The following ATP2B4 variants were observed in gnomAD, a reference collection of about 807,000 sequenced individuals.
ATP2B4 encodes plasma membrane calcium-transporting ATPase 4.
ATP2B4 carries 39 observed loss-of-function variants against 110.3 expected under a neutral mutation model. The ratio of observed to expected loss-of-function variants is 0.35; its 90% confidence interval spans 0.27 to 0.46. ATP2B4 has a LOEUF of 0.46. Ranked by LOEUF, ATP2B4 falls within the 20% of genes least tolerant of loss-of-function variation. The pLI, the probability that ATP2B4 is intolerant of heterozygous loss-of-function variation, is 1.00. For synonymous variants in ATP2B4, 538 were observed against 571.7 expected (o/e 0.94, Z 0.84); for missense variants, 1,135 against 1,530.9 (o/e 0.74, Z 4.32).
At chr1:203,735,117 G>A (rs1019509862) in intron 20 of ATP2B4, among the ~76,000 whole-genome samples, 3 of 151,812 alleles carry the variant, frequency 2.0e-5, no homozygotes, top group African/African-American at 7.2e-5. Context: ...TAAACTTTTA[G>A]GAGTTTCTGA....
intron 1 of ATP2B4, among the ~76,000 whole-genome samples, chr1:203,681,464 C>T (rs11240733): frequency 0.83 from 126,666 of 152,164 alleles, 53,558 homozygotes; most frequent in East Asian, 1. Context: ...CCCCTGGTAA[C>T]TGAAGTCGTC....
intron 1 of ATP2B4, among the ~76,000 whole-genome samples, chr1:203,675,663 G>A (rs1664807695): frequency 6.6e-6 from 1 of 152,118 alleles, no homozygotes. Flanking sequence ...CTTTTTTGGT[G>A]GAATTGAAGA....
intron 1 of ATP2B4, among the ~76,000 whole-genome samples, chr1:203,636,898 C>A (rs745817927): frequency 6.6e-6 from 1 of 152,114 alleles, no homozygotes; most frequent in Non-Finnish European, 1.5e-5. Context: ...GGAAAAGAGG[C>A]CAAAAAGCAT....
intron 1 of ATP2B4, among the ~76,000 whole-genome samples, chr1:203,660,101 G>T (rs867980522): frequency 6.9e-6 from 1 of 145,836 alleles, no homozygotes; most frequent in Non-Finnish European, 1.5e-5. Flanking sequence ...AAAAAAAAAA[G>T]AAAGAAAGAA....
intron 1 of ATP2B4, among the ~76,000 whole-genome samples, chr1:203,643,508 G>A (rs1353919044): frequency 4.6e-5 from 7 of 152,200 alleles, no homozygotes; most frequent in African/African-American, 1.2e-4. Flanking sequence ...ACACACCCAC[G>A]CAGAGACTTT....
intron 1 of ATP2B4, among the ~76,000 whole-genome samples, chr1:203,628,865 C>T (rs950508318): frequency 6.6e-6 from 1 of 152,032 alleles, no homozygotes; most frequent in Admixed American, 6.5e-5. Context: ...CCCTCCTTGG[C>T]TGAGGGTGGT....
At position 203,646,199 on chromosome 1, in the gene ATP2B4, G is replaced by C. The variant is rs74384160; in HGVS notation, c.-465+18980G>C. ...TCCCTCCTCATGACAATCCTAATAA[G>C]GAAGGAGTCATTCCTATCTTCCCTT... On this transcript the variant is annotated intron_variant, in intron 1 of 20. Coordinates refer to ENST00000357681, the MANE Select transcript of ATP2B4 (RefSeq NM_001684.5). 1.1e-4 allele frequency among the ~76,000 whole-genome samples: 17 copies of C among 151,596 alleles called. No individual in the cohort carries two copies. The East Asian group carries it at 3.3e-3, about 30-fold the overall frequency.
chr1:203,660,854 T>TA (rs1192986880), intron 1 of ATP2B4, among the ~76,000 whole-genome samples: 2 of 151,942 alleles, frequency 1.3e-5, no homozygotes, highest in Non-Finnish European at 2.9e-5. Context: ...CTCATGCCTG[T>TA]AGTCCCAGCA....
At chr1:203,661,014 G>T (rs1664323614) in intron 1 of ATP2B4, among the ~76,000 whole-genome samples, 1 of 151,932 alleles carries the variant, frequency 6.6e-6, no homozygotes, top group South Asian at 2.1e-4. Flanking sequence ...GGAGGCCGAG[G>T]CAGGAGAATT....
rs747241250 is a variant in ATP2B4, at chr1:203,711,985, A to G, written c.2057A>G (p.Lys686Arg). ...GTGCCAGATGCTATTGCCAAATGCA[A>G]ACAAGCTGGCATTACTGTCAGAATG... ...PEVPDAIAKCKQAGITVRMVT... is the reference protein window; with the variant it reads ...PEVPDAIAKCRQAGITVRMVT... Residue 686 changes from lysine to arginine, a missense_variant, in exon 13 of 21, where the codon AAA becomes AGA. Physicochemically the swap from Lys to Arg is conservative, Grantham distance 26. This residue lies in a region of ATP2B4 where 368 missense variants were observed against 455.9 expected (regional missense o/e 0.81). Coordinates refer to ENST00000357681, the MANE Select transcript of ATP2B4 (RefSeq NM_001684.5). The G allele has an allele frequency of 1.5e-5, 24 of 1,614,024 alleles. No individual in the cohort carries two copies. In the East Asian group the frequency reaches 5.1e-4, roughly 34 times the overall value.
At chr1:203,717,376 G>A (rs12077945) in intron 15 of ATP2B4, among the ~76,000 whole-genome samples, 24,674 of 151,724 alleles carry the variant, frequency 0.16, 2,090 homozygotes, top group South Asian at 0.25. Context: ...GTATCATTAC[G>A]AATTCATAGA....
chr1:203,722,443 C>A, intron 17 of ATP2B4, 35 bp from the exon 18 acceptor site: 4 of 1,533,038 alleles, frequency 2.6e-6, no homozygotes, highest in Non-Finnish European at 3.6e-6. Context: ...GTTCAGACCA[C>A]ACTTAACCTC....
chr1:203,661,672 C>T (rs1664341857), intron 1 of ATP2B4, among the ~76,000 whole-genome samples: 1 of 152,218 alleles, frequency 6.6e-6, no homozygotes, highest in African/African-American at 2.4e-5. Flanking sequence ...AAGCATGCTG[C>T]ATGGTATTCA....
chr1:203,707,294 G>A, intron 9 of ATP2B4, 71 bp downstream of exon 9: 2 of 1,436,288 alleles, frequency 1.4e-6, no homozygotes, highest in East Asian at 4.6e-5. Flanking sequence ...GTAACCTTTA[G>A]TGAAAAGATA....
chr1:203,700,368 C>G lies in ATP2B4; in HGVS notation c.775+37C>G, dbSNP rs752604447. On this transcript the variant is annotated intron_variant, in intron 5 of 20. Transcript: ENST00000357681. ...GGCTGCCCAAGTTCCCATTTACCTC[C>G]CTGCAAACACCTAGGCCACAGGATC... 3 of 1,590,718 alleles carry G rather than the reference C, an allele frequency of 1.9e-6. No individual in the cohort carries two copies. In the South Asian group the frequency reaches 3.5e-5, roughly 18 times the overall value.
Sources: gnomAD v4.1 joint callset for allele counts (sites outside exome capture counted in the v4.1 genomes callset) on GRCh38, gnomAD v4.1.1 for gene constraint, gnomAD v4.1.1 regional missense constraint, MANE v1.5 for transcripts, NCBI Gene and HGNC (gene_info 2026-07-23, HGNC 2026-07-21) for gene names.